Variants in MYO3A observed in about 807,000 individuals in gnomAD.
MYO3A encodes the protein myosin IIIA, also known as myosin-IIIa.
MYO3A carries 180 observed loss-of-function variants against 192.7 expected under a neutral mutation model. The observed-to-expected ratio is 0.93, with a 90% CI of 0.83 to 1.06. The LOEUF is 1.06. Among genes scored for constraint, MYO3A ranks in the 50% least tolerant of loss-of-function variants. The pLI, the probability that MYO3A is intolerant of heterozygous loss-of-function variation, is 0.00. For synonymous variants in MYO3A, 628 were observed against 645.3 expected (o/e 0.97, Z 0.41); for missense variants, 1,896 against 1,905.0 (o/e 1.00, Z 0.09).
intron 14 of MYO3A, among the ~76,000 whole-genome samples, chr10:26,080,277 C>T (rs979880335): frequency 8.5e-5 from 13 of 152,198 alleles, no homozygotes; most frequent in Admixed American, 2.6e-4. Context: ...ACCTTGTCTT[C>T]GAGCTCTGAA....
chr10:26,075,649 A>C (rs12775509), intron 14 of MYO3A, among the ~76,000 whole-genome samples: 1 of 140,870 alleles, frequency 7.1e-6, no homozygotes, highest in East Asian at 2.3e-4. Flanking sequence ...TATGATATAT[A>C]TGTCTCTCAT....
At chr10:26,055,722 A>T (rs1365443267) in intron 10 of MYO3A, among the ~76,000 whole-genome samples, 1 of 152,130 alleles carries the variant, frequency 6.6e-6, no homozygotes, top group Admixed American at 6.5e-5. Context: ...AACATGGTTT[A>T]CCCTCCTCTT....
chr10:26,015,760 T>A (rs569877519), intron 6 of MYO3A, among the ~76,000 whole-genome samples: 1 of 151,428 alleles, frequency 6.6e-6, no homozygotes, highest in East Asian at 1.9e-4. Flanking sequence ...GTTACACTCC[T>A]CACTCTTCTG....
chr10:26,199,653 G>A (rs748873222), intron 32 of MYO3A, among the ~76,000 whole-genome samples: 14 of 151,982 alleles, frequency 9.2e-5, no homozygotes, highest in Non-Finnish European at 5.9e-5. Context: ...CTAGGAATTC[G>A]TGTAACTGAG....
At chr10:26,183,207 T>G (rs1421750403) in intron 31 of MYO3A, among the ~76,000 whole-genome samples, 1 of 152,204 alleles carries the variant, frequency 6.6e-6, no homozygotes, top group Non-Finnish European at 1.5e-5. Flanking sequence ...GAACCTTACC[T>G]GAACCTACCA....
At chr10:26,006,053 C>T (rs940651433) in intron 6 of MYO3A, among the ~76,000 whole-genome samples, 1 of 151,928 alleles carries the variant, frequency 6.6e-6, no homozygotes, top group South Asian at 2.1e-4. Flanking sequence ...TCGAATTAAG[C>T]TATTTAACAT....
At chr10:25,979,161 GTA>G (rs991115399) in intron 4 of MYO3A, among the ~76,000 whole-genome samples, 1 of 152,132 alleles carries the variant, frequency 6.6e-6, no homozygotes, top group African/African-American at 2.4e-5. Flanking sequence ...AATTGTGAGG[GTA>G]TATCTCCTGC....
chr10:26,121,239 T>C (rs1207036649), intron 18 of MYO3A, among the ~76,000 whole-genome samples: 1 of 151,584 alleles, frequency 6.6e-6, no homozygotes, highest in Non-Finnish European at 1.5e-5. Flanking sequence ...CGATCATTTC[T>C]ACACAAGAGA....
intron 31 of MYO3A, among the ~76,000 whole-genome samples, chr10:26,183,742 G>C (rs530023446): frequency 4.6e-5 from 7 of 152,116 alleles, no homozygotes; most frequent in Admixed American, 3.3e-4. Context: ...AATGGGGCTG[G>C]GGGTGGCAGT....
At chr10:26,042,800 G>A (rs985301564) in intron 10 of MYO3A, among the ~76,000 whole-genome samples, 1 of 152,102 alleles carries the variant, frequency 6.6e-6, no homozygotes, top group African/African-American at 2.4e-5. Context: ...TCTTTCTCCA[G>A]GATTGGTCCC....
rs1276966007 is a variant in MYO3A at position 26,021,564 on chromosome 10, T to G, written c.647T>G (p.Leu216Arg). ...GACGCCAGATGTGACACTTGGTCCCTGGGTATCACGGCCATTGAGCTGGGT... is the reference window on the plus strand; with the variant it reads ...GACGCCAGATGTGACACTTGGTCCCGGGGTATCACGGCCATTGAGCTGGGT... ...TYDARCDTWS[L>R]GITAIELGDG... The change falls in exon 8 of 35, where the codon CTG becomes CGG. Residue 216 changes from leucine (L) to arginine (R), a missense_variant. Physicochemically the swap from Leu to Arg is moderately radical, Grantham distance 102. Transcript: ENST00000642920. 6.2e-7 allele frequency: 1 copy of G among 1,614,130 alleles called. No individual in the cohort carries two copies. The highest frequency in any genetic ancestry group is 1.7e-5 in the Admixed American group (1 of 60,022).
At chr10:26,097,705 AG>A (rs1348463211) in intron 17 of MYO3A, among the ~76,000 whole-genome samples, 1 of 152,222 alleles carries the variant, frequency 6.6e-6, no homozygotes, top group African/African-American at 2.4e-5. Context: ...GTCCCTACAA[AG>A]TACATGAACT....
intron 17 of MYO3A, among the ~76,000 whole-genome samples, chr10:26,097,279 G>A (rs1837098596): frequency 6.6e-6 from 1 of 152,030 alleles, no homozygotes; most frequent in Non-Finnish European, 1.5e-5. Flanking sequence ...CATATAATAT[G>A]TGATCTGTTG....
intron 27 of MYO3A, among the ~76,000 whole-genome samples, 192 bp from the exon 28 acceptor site, chr10:26,168,520 T>C (rs950296379): frequency 5.9e-5 from 9 of 152,196 alleles, no homozygotes; most frequent in African/African-American, 2.2e-4. Context: ...CTTCTGCATT[T>C]CTTCTCAAAG....
chr10:25,937,395 A>G (rs872752), intron 2 of MYO3A, among the ~76,000 whole-genome samples: 10,740 of 152,292 alleles, frequency 0.071, 426 homozygotes, highest in African/African-American at 0.1. Context: ...GGTTAATTAT[A>G]TGGCTCACAC....
At chr10:26,067,269 A>G (rs781499596) in intron 11 of MYO3A, among the ~76,000 whole-genome samples, 195 bp downstream of exon 11, 66 of 152,256 alleles carry the variant, frequency 4.3e-4, no homozygotes, top group Non-Finnish European at 7.8e-4. Context: ...TATTTCACTT[A>G]TCTTCAGTTT....
At position 26,065,366 on chromosome 10, in the gene MYO3A, T is replaced by C. The variant is rs150620326; in HGVS notation, c.954-1609T>C. 2.9e-3 allele frequency among the ~76,000 whole-genome samples: 439 copies of C among 151,984 alleles called. 3 individuals carry two copies. The highest frequency in any genetic ancestry group is 9.0e-3 in the African/African-American group (374 of 41,480). Reference sequence around the variant, plus strand: ...TGGGAGGCCAAAGTGGGCAGATCACTTGAGGTCAGAAGTTCGAGACCAGCC... The same window carrying C: ...TGGGAGGCCAAAGTGGGCAGATCACCTGAGGTCAGAAGTTCGAGACCAGCC... On this transcript the variant is annotated intron_variant, in intron 10 of 34. Transcript: ENST00000642920.
Position 26,174,283 on chromosome 10 carries a change from C to T in MYO3A, c.4019C>T (p.Thr1340Ile), listed in dbSNP as rs1185545875. 3.1e-6 allele frequency: 5 copies of T among 1,613,892 alleles called. No individual in the cohort carries two copies. The African/African-American group carries it at 5.3e-5, about 17-fold the overall frequency. ...TVKERQVEPV[T>I]QAQEEEDKAA... The stretch of plus-strand genomic sequence containing the variant: ...AAAGAGAGGCAAGTTGAACCAGTGA[C>T]ACAGGCCCAGGAGGAAGAAGATAAA... Residue 1340 changes from threonine to isoleucine, a missense_variant, in exon 30 of 35, where the codon ACA (threonine) becomes ATA (isoleucine). Physicochemically the swap from Thr to Ile is moderately conservative, Grantham distance 89. Coordinates refer to ENST00000642920, the MANE Select transcript of MYO3A (RefSeq NM_017433.5).
chr10:26,145,369 T>A, intron 21 of MYO3A, 77 bp from the exon 22 acceptor site: 1 of 1,022,656 alleles, frequency 9.8e-7, no homozygotes, highest in East Asian at 2.4e-5. Flanking sequence ...ATTGTCCTTT[T>A]TATGGTAAAT....
Sources: gnomAD v4.1 joint callset for allele counts (sites outside exome capture counted in the v4.1 genomes callset) on GRCh38, gnomAD v4.1.1 for gene constraint, MANE v1.5 for transcripts, NCBI Gene and HGNC (gene_info 2026-07-23, HGNC 2026-07-21) for gene names.